The following APLF variants were observed in gnomAD, a reference collection of about 807,000 sequenced individuals.
The protein encoded by APLF is aprataxin and PNKP like factor, also known as aprataxin and PNK-like factor.
A neutral mutation model predicts 55.6 loss-of-function variants in APLF; 61 were observed. The ratio of observed to expected loss-of-function variants is 1.10; its 90% CI spans 0.89 to 1.36. APLF has a LOEUF of 1.36. Ranked by LOEUF, APLF falls within the 40% of genes most tolerant of loss-of-function variation. The pLI is 0.00. For synonymous variants in APLF, 207 were observed against 214.8 expected, an observed-to-expected ratio of 0.96 and a Z score of 0.32; for missense variants, 611 against 602.5, an observed-to-expected ratio of 1.01 and a Z score of -0.15.
rs1553366880 is a variant in APLF at position 68,469,014 on chromosome 2, G to GTGTGTGT, written c.96+1207_96+1213dup. Among the ~76,000 whole-genome samples the GTGTGTGT allele has an allele frequency of 6.2e-3, 916 of 147,498 alleles. 6 individuals carry two copies. The highest frequency in any genetic ancestry group is 0.023 in the African/African-American group (870 of 38,216). ...GGTGTGTGTGTGTGTGTGTGTGTGT[G>GTGTGTGT]TGTGTGTTGTGTGTTGTGTGTTGTG... is the stretch of plus-strand genomic sequence containing the variant. On this transcript the variant is annotated intron_variant, in intron 1 of 9. Coordinates refer to ENST00000303795, the MANE Select transcript of APLF (RefSeq NM_173545.3).
chr2:68,494,016 G>A (rs1174914580), intron 2 of APLF, among the ~76,000 whole-genome samples: 1 of 151,904 alleles, frequency 6.6e-6, no homozygotes, highest in Admixed American at 6.6e-5. Context: ...GCTGAGACGG[G>A]AGAATGGCAT....
chr2:68,541,728 C>T (rs1242387425), intron 7 of APLF, among the ~76,000 whole-genome samples: 1 of 152,152 alleles, frequency 6.6e-6, no homozygotes, highest in Non-Finnish European at 1.5e-5. Context: ...TCATACTATT[C>T]AAGGTGATCT....
chr2:68,566,382 C>T (rs1420288163), intron 8 of APLF, among the ~76,000 whole-genome samples: 1 of 152,000 alleles, frequency 6.6e-6, no homozygotes, highest in Non-Finnish European at 1.5e-5. Context: ...CTACCTTGCT[C>T]CTGCCCCCAG....
chr2:68,494,402 C>T (rs1676473277), intron 2 of APLF, among the ~76,000 whole-genome samples: 1 of 151,210 alleles, frequency 6.6e-6, no homozygotes, highest in Non-Finnish European at 1.5e-5. Context: ...AACTTTCAAT[C>T]ATGGCAGAAG....
At chr2:68,520,354 T>C (rs1237886014) in intron 5 of APLF, among the ~76,000 whole-genome samples, 1 of 151,946 alleles carries the variant, frequency 6.6e-6, no homozygotes, top group Non-Finnish European at 1.5e-5. Context: ...TTTTATTGCA[T>C]TTGCTTTTGG....
chr2:68,565,794 A>AT (rs1302380359), intron 8 of APLF, among the ~76,000 whole-genome samples: 3 of 152,036 alleles, frequency 2.0e-5, no homozygotes, highest in Non-Finnish European at 2.9e-5. Context: ...AGTTGGATAC[A>AT]TTTTTTTACA....
intron 2 of APLF, among the ~76,000 whole-genome samples, chr2:68,493,630 T>C (rs1676436069): frequency 6.6e-6 from 1 of 152,190 alleles, no homozygotes; most frequent in African/African-American, 2.4e-5. Context: ...CATTCATGCA[T>C]TGACATAAAG....
intron 8 of APLF, among the ~76,000 whole-genome samples, chr2:68,556,735 A>G (rs1368251367): frequency 3.9e-5 from 6 of 152,202 alleles, no homozygotes; most frequent in Non-Finnish European, 7.4e-5. Context: ...TGTCATGCAG[A>G]TGAAAATGTT....
Position 68,476,698 on chromosome 2 carries a change from A to G in APLF, c.96+8871A>G, listed in dbSNP as rs577756283. On this transcript the variant is annotated intron_variant, in intron 1 of 9. Transcript: ENST00000303795. Reference sequence around the variant, plus strand: ...TAATTAATATTATACTATAAATTTTATTATTAATATTCTGAATAGTATTTT... The same window carrying G: ...TAATTAATATTATACTATAAATTTTGTTATTAATATTCTGAATAGTATTTT... Among the ~76,000 whole-genome samples the G allele has an allele frequency of 6.5e-3, 995 of 151,958 alleles. 7 individuals carry two copies. Among genetic ancestry groups the G allele is most frequent in the African/African-American group, 0.023 (947 of 41,494 alleles).
At chr2:68,513,798 T>A in intron 5 of APLF, 118 bp downstream of exon 5, 1 of 1,183,528 alleles carries the variant, frequency 8.4e-7, no homozygotes, top group Non-Finnish European at 1.2e-6. Context: ...GTTGTGTAAG[T>A]GTATAGCCTA....
At chr2:68,567,580 C>G (rs1671341914) in intron 9 of APLF, among the ~76,000 whole-genome samples, 193 bp downstream of exon 9, 1 of 151,812 alleles carries the variant, frequency 6.6e-6, no homozygotes, top group Admixed American at 6.6e-5. Context: ...AATGCTTTCC[C>G]CATTGTCCAC....
intron 6 of APLF, among the ~76,000 whole-genome samples, chr2:68,534,308 T>A (rs944005875): frequency 2.6e-5 from 4 of 152,176 alleles, no homozygotes; most frequent in Non-Finnish European, 5.9e-5. Flanking sequence ...AGGAGTGAAG[T>A]TGGGGCTAGA....
intron 6 of APLF, chr2:68,528,850 C>T (rs1476731408): frequency 6.6e-7 from 1 of 1,518,550 alleles, no homozygotes; most frequent in African/African-American, 1.4e-5. Flanking sequence ...CCTCCAAGGG[C>T]CTGGGATTGT....
intron 1 of APLF, among the ~76,000 whole-genome samples, chr2:68,486,934 C>G (rs1676194561): frequency 6.6e-6 from 1 of 152,090 alleles, no homozygotes. Flanking sequence ...GCCATTTGTC[C>G]TACCCTAAAT....
chr2:68,480,759 T>A (rs1675927246), intron 1 of APLF, among the ~76,000 whole-genome samples: 1 of 152,214 alleles, frequency 6.6e-6, no homozygotes, highest in Admixed American at 6.5e-5. Context: ...GTTTGTCACA[T>A]ATGCCCTTTA....
chr2:68,473,110 T>A (rs1049313697), intron 1 of APLF, among the ~76,000 whole-genome samples: 2 of 152,154 alleles, frequency 1.3e-5, no homozygotes, highest in African/African-American at 4.8e-5. Context: ...ATGACATTTA[T>A]CTACCATTGC....
chr2:68,499,793 A>T (rs1028281728), intron 2 of APLF, among the ~76,000 whole-genome samples: 27 of 152,170 alleles, frequency 1.8e-4, no homozygotes, highest in African/African-American at 6.0e-4. Flanking sequence ...AGTAGAGATC[A>T]TGCCACTGCA....
Position 68,518,993 on chromosome 2 carries a change from G to GATAATTTATTATTAATATATAATAATAT in APLF, c.622+5318_622+5319insTTATTATTAATATATAATAATATATAAT, listed in dbSNP as rs1669791518. ...AATATGCTATTAATATACAATATCT[G>GATAATTTATTATTAATATATAATAATAT]ATAATATATTATTAATATATAATAA... is the stretch of plus-strand genomic sequence containing the variant. On this transcript the variant is annotated intron_variant, in intron 5 of 9. Coordinates refer to ENST00000303795, the MANE Select transcript of APLF (RefSeq NM_173545.3). 5.6e-5 allele frequency among the ~76,000 whole-genome samples: 6 copies of GATAATTTATTATTAATATATAATAATAT among 107,498 alleles called. No individual in the cohort carries two copies. The Admixed American group carries it at 6.5e-4, about 12-fold the overall frequency. 70.5% of individuals were successfully genotyped at this position (107,498 alleles called of 152,430 possible).
At chr2:68,551,912 G>T (rs993509530) in intron 8 of APLF, among the ~76,000 whole-genome samples, 1 of 152,024 alleles carries the variant, frequency 6.6e-6, no homozygotes, top group Non-Finnish European at 1.5e-5. Flanking sequence ...GCAGGTAGGG[G>T]CTAGTCATCT....
Sources: allele counts gnomAD v4.1 joint callset (sites outside exome capture counted in the v4.1 genomes callset), GRCh38; gene constraint gnomAD v4.1.1; transcripts MANE v1.5; gene names NCBI Gene and HGNC (gene_info 2026-07-23, HGNC 2026-07-21).